Variants in MLXIP observed in about 807,000 individuals in gnomAD.
The protein encoded by MLXIP is MLX-interacting protein.
In MLXIP, 30 loss-of-function variants were observed where a neutral mutation model predicts 87.2. That is an observed-to-expected ratio of 0.34 (90% CI 0.26 to 0.47). The LOEUF is 0.47. Among genes scored for constraint, MLXIP ranks in the 20% least tolerant of loss-of-function variants. The probability of loss-of-function intolerance (pLI) is 1.00; values close to 1 mark genes in which losing one functional copy is unlikely to be tolerated. For synonymous variants in MLXIP, 530 were observed against 514.0 expected (o/e 1.03, Z -0.42); for missense variants, 1,002 against 1,240.1 (o/e 0.81, Z 2.88).
At chr12:122,128,833 T>C in intron 3 of MLXIP, 1 of 303,558 alleles carries the variant, frequency 3.3e-6, no homozygotes, top group Non-Finnish European at 6.2e-6. Context: ...GCTGCAGCGT[T>C]CCCCTGCTTC....
intron 1 of MLXIP, among the ~76,000 whole-genome samples, chr12:122,115,937 G>C (rs1952683421): frequency 6.6e-6 from 1 of 151,952 alleles, no homozygotes; most frequent in African/African-American, 2.4e-5. Context: ...TGTAATCCCA[G>C]CTACTTGGGA....
At chr12:122,126,450 G>A (rs868352517) in intron 1 of MLXIP, among the ~76,000 whole-genome samples, 1 of 152,172 alleles carries the variant, frequency 6.6e-6, no homozygotes, top group Non-Finnish European at 1.5e-5. Context: ...ATGGTGTCGG[G>A]GGCAGCATCT....
At chr12:122,126,914 G>C (rs927201633) in intron 1 of MLXIP, among the ~76,000 whole-genome samples, 1 of 152,214 alleles carries the variant, frequency 6.6e-6, no homozygotes, top group Non-Finnish European at 1.5e-5. Flanking sequence ...CTCACTGCAT[G>C]CCCAGTGTTC....
intron 3 of MLXIP, 54 bp downstream of exon 3, chr12:122,128,022 C>T (rs146036245): frequency 4.9e-5 from 72 of 1,482,020 alleles, no homozygotes; most frequent in African/African-American, 2.5e-4. Context: ...AGCACCTCAC[C>T]GGGAGTGGCT....
intron 1 of MLXIP, among the ~76,000 whole-genome samples, chr12:122,090,625 A>G (rs1338246806): frequency 1.3e-5 from 2 of 152,164 alleles, no homozygotes; most frequent in South Asian, 2.1e-4. Context: ...AGTTCTTTCA[A>G]CTTTCCCTGT....
chr12:122,084,306 C>T (rs983010904), intron 1 of MLXIP, among the ~76,000 whole-genome samples: 13 of 152,162 alleles, frequency 8.5e-5, no homozygotes, highest in African/African-American at 2.9e-4. Context: ...AACAGGAAGC[C>T]CCAGTGCTCC....
intron 1 of MLXIP, among the ~76,000 whole-genome samples, chr12:122,098,933 CA>C (rs1393396827): frequency 5.9e-5 from 9 of 152,244 alleles, no homozygotes; most frequent in Non-Finnish European, 1.2e-4. Flanking sequence ...CGTCTTAGGA[CA>C]GTGAGTTAAC....
At chr12:122,091,210 G>C (rs1952240869) in intron 1 of MLXIP, among the ~76,000 whole-genome samples, 1 of 152,186 alleles carries the variant, frequency 6.6e-6, no homozygotes, top group Admixed American at 6.5e-5. Context: ...AAGATCAGAT[G>C]ATCTTGGAGA....
intron 1 of MLXIP, among the ~76,000 whole-genome samples, chr12:122,124,199 C>CCCCCGCCCTT (rs1952834342): frequency 9.7e-5 from 3 of 30,920 alleles, no homozygotes. Flanking sequence ...CCCCCGCCCT[C>CCCCCGCCCTT]AGCTGTCCCC....
At position 122,138,487 on chromosome 12, in the gene MLXIP, G is replaced by A; in HGVS notation, c.2320G>A (p.Gly774Ser). The A allele has an allele frequency of 6.2e-7, 1 of 1,613,884 alleles. No individual in the cohort carries two copies. The highest frequency in any genetic ancestry group is 8.5e-7 in the Non-Finnish European group (1 of 1,179,806). ...CATCACCAAGCTGCAGCAGGAGAGA[G>A]GCCAGATGCAGGAGGAGGCCCGGCG... The part of the protein sequence containing the change: ...EYITKLQQER[G>S]QMQEEARRLR... The change falls in exon 14 of 17, where the codon GGC becomes AGC. Residue 774 changes from glycine to serine, a missense_variant. Gly to Ser is a moderately conservative substitution (Grantham distance 56). Coordinates refer to ENST00000319080, the MANE Select transcript of MLXIP (RefSeq NM_014938.6).
At chr12:122,122,845 C>G (rs1172172756) in intron 1 of MLXIP, among the ~76,000 whole-genome samples, 2 of 147,964 alleles carry the variant, frequency 1.4e-5, no homozygotes, top group South Asian at 2.2e-4. Context: ...CCGTGCCCGG[C>G]CTTCTTTTCT....
At chr12:122,096,557 A>G (rs536353821) in intron 1 of MLXIP, among the ~76,000 whole-genome samples, 50 of 152,308 alleles carry the variant, frequency 3.3e-4, no homozygotes, top group African/African-American at 1.2e-3. Context: ...CTCCCAGGAC[A>G]GGTGTGTCTA....
chr12:122,107,744 C>G (rs1952542879), intron 1 of MLXIP, among the ~76,000 whole-genome samples: 1 of 152,150 alleles, frequency 6.6e-6, no homozygotes, highest in African/African-American at 2.4e-5. Context: ...TCTCCTGTGG[C>G]TGGTGGTGAC....
At chr12:122,116,281 G>GT (rs35251250) in intron 1 of MLXIP, among the ~76,000 whole-genome samples, 76,059 of 150,972 alleles carry the variant, frequency 0.5, 19,620 homozygotes, top group Middle Eastern at 0.64. Flanking sequence ...TTCAGAATAA[G>GT]TTTTTTTTTA....
intron 1 of MLXIP, among the ~76,000 whole-genome samples, chr12:122,111,448 A>G (rs544264292): frequency 2.8e-4 from 43 of 152,170 alleles, no homozygotes; most frequent in Non-Finnish European, 5.1e-4. Context: ...ACCTTGGTGA[A>G]TATTTAAACC....
intron 1 of MLXIP, among the ~76,000 whole-genome samples, chr12:122,127,034 C>G (rs1452667603): frequency 6.6e-6 from 1 of 152,134 alleles, no homozygotes; most frequent in African/African-American, 2.4e-5. Context: ...GCAAAACCCC[C>G]ACGGCCAGTC....
chr12:122,106,725 C>T (rs1048200455), intron 1 of MLXIP, among the ~76,000 whole-genome samples: 1 of 150,806 alleles, frequency 6.6e-6, no homozygotes, highest in East Asian at 2.0e-4. Flanking sequence ...CCGTAGCCTC[C>T]TGAGTAGCTG....
chr12:122,082,267 G>T (rs1952102294), intron 1 of MLXIP, among the ~76,000 whole-genome samples: 1 of 152,208 alleles, frequency 6.6e-6, no homozygotes, highest in Non-Finnish European at 1.5e-5. Context: ...GTGGCGAAGG[G>T]TCTTGATTTG....
chr12:122,119,994 G>C (rs1952754089), intron 1 of MLXIP, among the ~76,000 whole-genome samples: 1 of 152,222 alleles, frequency 6.6e-6, no homozygotes. Flanking sequence ...AACTGATTGG[G>C]AAGTAAAACG....
Sources: allele counts gnomAD v4.1 joint callset (sites outside exome capture counted in the v4.1 genomes callset), GRCh38; gene constraint gnomAD v4.1.1; transcripts MANE v1.5; gene names NCBI Gene and HGNC (gene_info 2026-07-23, HGNC 2026-07-21).